AK8: variants seen among roughly 807,000 people sequenced by gnomAD.
The protein encoded by AK8 is ATP-AMP transphosphorylase 8.
In AK8, 44 loss-of-function variants were observed where a neutral mutation model predicts 54.6. The ratio of observed to expected loss-of-function variants is 0.81; its 90% CI spans 0.63 to 1.04. AK8 has a LOEUF of 1.04. Ranked by LOEUF, AK8 falls within the 50% of genes least tolerant of loss-of-function variation. The probability of loss-of-function intolerance (pLI) is 0.00; values close to 1 mark genes in which losing one functional copy is unlikely to be tolerated. For missense variants in AK8, 555 were observed against 613.6 expected (o/e 0.90, Z 1.01); for synonymous variants, 239 against 245.6 (o/e 0.97, Z 0.25).
chr9:132,828,843 T>A, intron 5 of AK8, 117 bp from the exon 6 acceptor site: 1 of 693,468 alleles, frequency 1.4e-6, no homozygotes. Context: ...ACAAAAAAAA[T>A]GTTTCTGATA....
chr9:132,870,097 C>T (rs1172729081), intron 2 of AK8, among the ~76,000 whole-genome samples: 4 of 152,184 alleles, frequency 2.6e-5, no homozygotes, highest in African/African-American at 4.8e-5. Context: ...CCTGACTCCA[C>T]GCATTCATCT....
Position 132,781,970 on chromosome 9 carries a change from T to C in AK8, c.1121+10664A>G, listed in dbSNP as rs1839490258. On this transcript the variant is annotated intron_variant, in intron 11 of 12. Coordinates refer to ENST00000298545, the MANE Select transcript of AK8 (RefSeq NM_152572.3). This position sits in a 1 kb window ranked among gnomAD's most constrained non-coding sequence, Gnocchi z 4.6. The stretch of plus-strand genomic sequence containing the variant: ...AGAAAGGAGGAAGGAAAATATACCT[T>C]CAATGACTACGAAAGGATGATCAAC... Among the ~76,000 whole-genome samples the C allele has an allele frequency of 6.6e-6, 1 of 152,222 alleles. No homozygotes were observed. Among genetic ancestry groups the C allele is most frequent in the African/African-American group, 2.4e-5 (1 of 41,458 alleles).
intron 10 of AK8, among the ~76,000 whole-genome samples, chr9:132,794,934 T>C (rs1014989850): frequency 8.5e-5 from 13 of 152,154 alleles, no homozygotes; most frequent in Non-Finnish European, 1.5e-4. Context: ...CACACCGCAT[T>C]TACGATTCTG....
chr9:132,842,903 T>C (rs1263074727), intron 5 of AK8, among the ~76,000 whole-genome samples: 1 of 152,258 alleles, frequency 6.6e-6, no homozygotes, highest in East Asian at 1.9e-4. Context: ...CCATGTGGGC[T>C]TCTCCAACAT....
intron 10 of AK8, among the ~76,000 whole-genome samples, chr9:132,802,322 C>T (rs1052377242): frequency 2.0e-5 from 3 of 152,048 alleles, no homozygotes; most frequent in African/African-American, 4.8e-5. Flanking sequence ...GGGCAGGGGG[C>T]GGGAGGGGGG....
intron 7 of AK8, 66 bp from the exon 8 acceptor site, chr9:132,827,120 G>C: frequency 6.5e-7 from 1 of 1,541,480 alleles, no homozygotes; most frequent in Non-Finnish European, 8.9e-7. Context: ...TGCTGTGCCT[G>C]GCTGGGGTGC....
chr9:132,753,378 C>A (rs1838040623), intron 11 of AK8, among the ~76,000 whole-genome samples: 1 of 152,272 alleles, frequency 6.6e-6, no homozygotes, highest in Non-Finnish European at 1.5e-5. Flanking sequence ...GCCCCAGTGG[C>A]AGGGTCCCCA....
chr9:132,857,105 G>A (rs149597607), intron 4 of AK8, among the ~76,000 whole-genome samples: 15 of 152,286 alleles, frequency 9.8e-5, no homozygotes, highest in Non-Finnish European at 1.8e-4. Context: ...TCCAACATCT[G>A]CTGAGATAGC....
chr9:132,834,873 T>C (rs1281660974), intron 5 of AK8, among the ~76,000 whole-genome samples: 1 of 151,510 alleles, frequency 6.6e-6, no homozygotes, highest in African/African-American at 2.4e-5. Context: ...AGGTGCCTTT[T>C]TTTTTTTTTT....
At chr9:132,794,891 C>G (rs1332459633) in intron 10 of AK8, among the ~76,000 whole-genome samples, 1 of 152,162 alleles carries the variant, frequency 6.6e-6, no homozygotes, top group African/African-American at 2.4e-5. Flanking sequence ...TTCCTATCTG[C>G]TGAAAGGATA....
At chr9:132,776,790 T>G (rs985823588) in intron 11 of AK8, among the ~76,000 whole-genome samples, 2 of 152,324 alleles carry the variant, frequency 1.3e-5, no homozygotes, top group African/African-American at 4.8e-5. Context: ...CAGGGCTCTC[T>G]TCCCCCAGCT....
chr9:132,807,481 C>T (rs1321030177), intron 10 of AK8, among the ~76,000 whole-genome samples: 1 of 152,192 alleles, frequency 6.6e-6, no homozygotes, highest in Non-Finnish European at 1.5e-5. Flanking sequence ...TTTTCATCTC[C>T]TCCCTGGATA....
At chr9:132,849,311 G>A (rs921692119) in intron 5 of AK8, among the ~76,000 whole-genome samples, 3 of 152,166 alleles carry the variant, frequency 2.0e-5, no homozygotes, top group Non-Finnish European at 2.9e-5. Flanking sequence ...TACAGCCCGC[G>A]GGCCAAATCT....
intron 12 of AK8, among the ~76,000 whole-genome samples, chr9:132,726,949 G>C (rs1405669232): frequency 1.4e-5 from 2 of 141,840 alleles, no homozygotes; most frequent in African/African-American, 5.3e-5. Context: ...GACAACACCC[G>C]CCTCTTAGTG....
chr9:132,848,144 G>GAAAA (rs1842831659), intron 5 of AK8, among the ~76,000 whole-genome samples: 1 of 80,880 alleles, frequency 1.2e-5, no homozygotes, highest in Non-Finnish European at 2.4e-5. Context: ...AAAAAAAAAA[G>GAAAA]ATTGAAGAGA....
chr9:132,823,990 C>T (rs1330976742), intron 8 of AK8, among the ~76,000 whole-genome samples: 1 of 152,218 alleles, frequency 6.6e-6, no homozygotes, highest in Non-Finnish European at 1.5e-5. Flanking sequence ...CTGCATGGCC[C>T]TGGCCTGTGG....
chr9:132,735,406 C>T (rs926140955), intron 11 of AK8, among the ~76,000 whole-genome samples: 3 of 152,174 alleles, frequency 2.0e-5, no homozygotes, highest in Non-Finnish European at 2.9e-5. Flanking sequence ...ATATGATGCC[C>T]GGTTCTGCCC....
intron 5 of AK8, among the ~76,000 whole-genome samples, chr9:132,834,106 G>A (rs1842221665): frequency 1.3e-5 from 2 of 152,214 alleles, no homozygotes; most frequent in African/African-American, 2.4e-5. Flanking sequence ...ACTTGGACTC[G>A]ATAAATCAGT....
chr9:132,811,032 C>T (rs1302895056), intron 10 of AK8, among the ~76,000 whole-genome samples: 2 of 152,164 alleles, frequency 1.3e-5, no homozygotes, highest in African/African-American at 4.8e-5. Context: ...AAAGATAAAA[C>T]ACACGTGACC....
Sources: allele counts gnomAD v4.1 joint callset (sites outside exome capture counted in the v4.1 genomes callset), GRCh38; gene constraint gnomAD v4.1.1; non-coding constraint Gnocchi (gnomAD v3.1); transcripts MANE v1.5; gene names NCBI Gene and HGNC (gene_info 2026-07-23, HGNC 2026-07-21).